DMBT1: variants seen among roughly 807,000 people sequenced by gnomAD.
DMBT1 encodes deleted in malignant brain tumors 1, also known as scavenger receptor cysteine-rich domain-containing protein DMBT1.
A neutral mutation model predicts 252.9 loss-of-function variants in DMBT1; 198 were observed. The observed-to-expected ratio is 0.78, with a 90% CI of 0.70 to 0.88. The LOEUF is 0.88. Among genes scored for constraint, DMBT1 ranks in the 40% least tolerant of loss-of-function variants. The probability of loss-of-function intolerance (pLI) is 0.00; values close to 1 mark genes in which losing one functional copy is unlikely to be tolerated. For synonymous variants in DMBT1, 990 were observed against 942.7 expected, an observed-to-expected ratio of 1.05 and a Z score of -0.92; for missense variants, 2,432 against 2,404.7, an observed-to-expected ratio of 1.01 and a Z score of -0.24.
At chr10:122,626,101 C>A in intron 46 of DMBT1, 136 bp downstream of exon 46, 1 of 712,204 alleles carries the variant, frequency 1.4e-6, no homozygotes, top group Non-Finnish European at 2.5e-6. Context: ...CCACTATACC[C>A]TTCACCTCTT....
chr10:122,560,897 C>T (rs1211727829), intron 1 of DMBT1, 66 bp downstream of exon 1: 1 of 1,218,938 alleles, frequency 8.2e-7, no homozygotes, highest in Non-Finnish European at 1.2e-6. Flanking sequence ...CAAATTATAT[C>T]TACTACTTTC....
chr10:122,624,272 G>T (rs1465083974), intron 44 of DMBT1, among the ~76,000 whole-genome samples: 2 of 152,182 alleles, frequency 1.3e-5, no homozygotes, highest in Non-Finnish European at 1.5e-5. Context: ...CACTTGAATT[G>T]CTGGTCACTG....
At chr10:122,598,491 G>T (rs889102724) in intron 25 of DMBT1, among the ~76,000 whole-genome samples, 2 of 152,156 alleles carry the variant, frequency 1.3e-5, no homozygotes, top group Non-Finnish European at 2.9e-5. Flanking sequence ...GTGTAGCTCT[G>T]TCCTGTGTGT....
Position 122,560,834 on chromosome 10 carries a change from A to T in DMBT1, c.61+3A>T. 1 of 1,554,372 alleles carries T rather than the reference A, an allele frequency of 6.4e-7. No homozygotes were observed. The highest frequency in any genetic ancestry group is 8.7e-7 in the Non-Finnish European group (1 of 1,145,428). ...ATGGGGACAAGTTCTATCTACAGGT[A>T]TTACGTTTAATTATTATATTCATTA... On this transcript the variant is annotated splice_donor_region_variant and intron_variant, in intron 1 of 55. Coordinates refer to ENST00000338354, the MANE Select transcript of DMBT1 (RefSeq NM_001377530.1).
intron 50 of DMBT1, among the ~76,000 whole-genome samples, chr10:122,632,595 T>C (rs1301562640): frequency 1.3e-5 from 2 of 152,100 alleles, no homozygotes; most frequent in African/African-American, 4.8e-5. Flanking sequence ...TGCCCTTTTT[T>C]CCCCACTCCA....
In DMBT1 at chr10:122,579,575, T is replaced by A; in HGVS notation, c.680-3T>A. The A allele has an allele frequency of 6.2e-7, 1 of 1,613,088 alleles. No homozygotes were observed. Among genetic ancestry groups the A allele is most frequent in the Middle Eastern group, 1.8e-4 (1 of 5,428 alleles). ...GATGAAGGGTTCTTGTGTTCCCCTGTAGGATCTGAATCCAGTTTGGCCCTG... is the reference window on the plus strand; with the variant it reads ...GATGAAGGGTTCTTGTGTTCCCCTGAAGGATCTGAATCCAGTTTGGCCCTG... On this transcript the variant is annotated splice_region_variant and splice_polypyrimidine_tract_variant and intron_variant, in intron 9 of 55. Transcript: ENST00000338354.
Position 122,585,123 on chromosome 10 carries a change from G to A in DMBT1, c.1421-148G>A. 3.7e-6 allele frequency: 4 copies of A among 1,069,802 alleles called. 1 individual carries two copies. The highest frequency in any genetic ancestry group is 2.9e-5 in the South Asian group (2 of 67,878). The allele number at this position is 1,069,802 out of a possible 1,614,324, so 66.3% of individuals were successfully genotyped here. A position where few individuals can be genotyped will look rare whatever the true frequency, so the allele number is the denominator to read the frequency against. On this transcript the variant is annotated intron_variant, in intron 14 of 55. Coordinates refer to ENST00000338354, the MANE Select transcript of DMBT1 (RefSeq NM_001377530.1). Reference sequence around the variant, plus strand: ...TGTCCCTTGCTGAGCTTGCTGAGCTGCAGACTTGGGCAGACACATGGGGAG... The same window carrying A: ...TGTCCCTTGCTGAGCTTGCTGAGCTACAGACTTGGGCAGACACATGGGGAG...
At chr10:122,632,015 C>T in intron 50 of DMBT1, 140 bp downstream of exon 50, 1 of 969,784 alleles carries the variant, frequency 1.0e-6, no homozygotes, top group African/African-American at 1.6e-5. Flanking sequence ...GTCCCCTCCC[C>T]TGCCGGCCAC....
In DMBT1 at chr10:122,630,953, T is replaced by C. The variant is rs1157514265; in HGVS notation, c.6026-8T>C. On this transcript the variant is annotated splice_polypyrimidine_tract_variant and splice_region_variant and intron_variant, in intron 48 of 55. Coordinates refer to ENST00000338354, the MANE Select transcript of DMBT1 (RefSeq NM_001377530.1). The stretch of plus-strand genomic sequence containing the variant: ...TGGCCATGATCTCTCAGTTAATGTG[T>C]CTTTCAGATGCCACCTTGAGGTTGG... 1.9e-6 allele frequency: 3 copies of C among 1,587,990 alleles called. No individual in the cohort carries two copies. The highest frequency in any genetic ancestry group is 2.6e-6 in the Non-Finnish European group (3 of 1,162,814).
Position 122,591,282 on chromosome 10 carries a change from C to T in DMBT1, c.2138-197C>T, listed in dbSNP as rs966825622. Among the ~76,000 whole-genome samples the T allele has an allele frequency of 2.0e-5, 3 of 148,546 alleles. 1 individual carries two copies. Among genetic ancestry groups the T allele is most frequent in the South Asian group, 2.3e-4 (1 of 4,406 alleles). ...TCCACACTTCAGAGGCAGGAGGGAT[C>T]GGACTGGTCTCCAGTGAGGACTATG... On this transcript the variant is annotated intron_variant, in intron 18 of 55. Transcript: ENST00000338354.
At chr10:122,630,147 C>A in intron 47 of DMBT1, 141 bp from the exon 48 acceptor site, 1 of 1,361,032 alleles carries the variant, frequency 7.3e-7, no homozygotes, top group Admixed American at 1.9e-5. Flanking sequence ...TCAGGGAACA[C>A]TGATGTCCTT....
rs148230864 is a variant in DMBT1, at chr10:122,617,707, G to T, written c.4892-310G>T. 7.0e-3 allele frequency among the ~76,000 whole-genome samples: 1,061 copies of T among 151,742 alleles called. 37 individuals carry two copies. Among genetic ancestry groups the T allele is most frequent in the African/African-American group, 0.024 (1,005 of 41,234 alleles). ...ACTCTTAAACATGGGGCCAGCATGGGCCTGCTCTCTGGAGCTGTGGAGCTC... is the reference window on the plus strand; with the variant it reads ...ACTCTTAAACATGGGGCCAGCATGGTCCTGCTCTCTGGAGCTGTGGAGCTC... On this transcript the variant is annotated intron_variant, in intron 40 of 55. Transcript: ENST00000338354.
chr10:122,637,260 C>G lies in DMBT1; in HGVS notation c.6890C>G (p.Pro2297Arg). Residue 2297 changes from proline (P) to arginine (R), a missense_variant, in exon 54 of 56, where the codon CCG becomes CGG. By Grantham distance (103) the Pro-to-Arg change is moderately radical. This residue lies in a region of DMBT1 where 1,162 missense variants were observed against 1,169.0 expected (regional missense o/e 0.99). Coordinates refer to ENST00000338354, the MANE Select transcript of DMBT1 (RefSeq NM_001377530.1). The part of the protein sequence containing the change: ...GYYECRPQIT[P>R]NLVIFTIPYS... ...TACGAGTGTCGGCCCCAGATAACGC[C>G]GAACCTGGTGATATTCACAATTCCC... The G allele has an allele frequency of 6.2e-7, 1 of 1,613,908 alleles. No individual in the cohort carries two copies. The highest frequency in any genetic ancestry group is 8.5e-7 in the Non-Finnish European group (1 of 1,179,854).
At position 122,637,249 on chromosome 10, in the gene DMBT1, C is replaced by A; in HGVS notation, c.6879C>A (p.Pro2293=). The A allele has an allele frequency of 6.2e-7, 1 of 1,613,982 alleles. No homozygotes were observed. Among genetic ancestry groups the A allele is most frequent in the Non-Finnish European group, 8.5e-7 (1 of 1,179,894 alleles). The change falls in exon 54 of 56, where the codon CCC becomes CCA. Residue 2293 remains proline (P), a synonymous_variant. Coordinates refer to ENST00000338354, the MANE Select transcript of DMBT1 (RefSeq NM_001377530.1). ...STWNGYYECR[P]QITPNLVIFT... ...GGAATGGATACTACGAGTGTCGGCCCCAGATAACGCCGAACCTGGTGATAT... is the reference window on the plus strand; with the variant it reads ...GGAATGGATACTACGAGTGTCGGCCACAGATAACGCCGAACCTGGTGATAT...
intron 9 of DMBT1, among the ~76,000 whole-genome samples, chr10:122,579,021 T>C (rs1176344366): frequency 6.6e-6 from 1 of 152,098 alleles, no homozygotes; most frequent in African/African-American, 2.4e-5. Flanking sequence ...TTCATGTTTC[T>C]GTGGGTTGGG....
rs367659692 is a variant in DMBT1, at chr10:122,586,388, G to A, written c.1783+5G>A. ...ACGCTGGTGTCATCTGCTCAGGTGG[G>A]CCTCCAAGACTTTTGGTTTCCTCTC... is the stretch of plus-strand genomic sequence containing the variant. On this transcript the variant is annotated splice_donor_5th_base_variant and intron_variant, in intron 16 of 55. Coordinates refer to ENST00000338354, the MANE Select transcript of DMBT1 (RefSeq NM_001377530.1). The A allele has an allele frequency of 1.3e-6, 2 of 1,588,002 alleles. 1 individual carries two copies. The highest frequency in any genetic ancestry group is 1.7e-6 in the Non-Finnish European group (2 of 1,165,584).
Position 122,640,075 on chromosome 10 carries a change from C to T in DMBT1, c.6978C>T (p.Leu2326=). 6.2e-7 allele frequency: 1 copy of T among 1,614,038 alleles called. No individual in the cohort carries two copies. Among genetic ancestry groups the T allele is most frequent in the Non-Finnish European group, 8.5e-7 (1 of 1,179,886 alleles). ...DNDTIDYSNF[L]TAAVSGGIIK... The stretch of plus-strand genomic sequence containing the variant: ...ACACCATCGACTATTCCAACTTCCT[C>T]ACAGCAGCTGTCTCAGGTGGCATCA... Residue 2326 remains leucine (L), a synonymous_variant, in exon 55 of 56, where the codon CTC becomes CTT. Transcript: ENST00000338354.
Position 122,560,765 on chromosome 10 carries a change from A to G in DMBT1, c.-6A>G. The stretch of plus-strand genomic sequence containing the variant: ...TTTTCTATTCAATTGAGAAGAACCC[A>G]GCAAAATGGGGATCTCCACAGTCAT... On this transcript the variant is annotated 5_prime_UTR_variant, in exon 1 of 56. Transcript: ENST00000338354. The G allele has an allele frequency of 3.2e-6, 5 of 1,566,582 alleles. No homozygotes were observed. The highest frequency in any genetic ancestry group is 4.3e-6 in the Non-Finnish European group (5 of 1,153,838).
rs1183130263 is a variant in DMBT1 at position 122,643,359 on chromosome 10, G to C, written c.7590G>C (p.Gln2530His). Residue 2530 changes from glutamine to histidine, a missense_variant, in exon 56 of 56, where the codon CAG becomes CAC. Transcript: ENST00000338354. ...TGGACGTCGTCCTGGGTCCCATCCAGCTGCAGACCCCCCCACGCCGAGAAG... is the reference window on the plus strand; with the variant it reads ...TGGACGTCGTCCTGGGTCCCATCCACCTGCAGACCCCCCCACGCCGAGAAG... The part of the protein sequence containing the change: ...EKVDVVLGPI[Q>H]LQTPPRREEE... 6.2e-7 allele frequency: 1 copy of C among 1,613,932 alleles called. No individual in the cohort carries two copies. Among genetic ancestry groups the C allele is most frequent in the South Asian group, 1.1e-5 (1 of 91,062 alleles).
Sources: allele counts gnomAD v4.1 joint callset (sites outside exome capture counted in the v4.1 genomes callset), GRCh38; gene constraint gnomAD v4.1.1; regional missense constraint gnomAD v4.1.1; transcripts MANE v1.5; gene names NCBI Gene and HGNC (gene_info 2026-07-23, HGNC 2026-07-21).